WDFY4: variants seen among roughly 807,000 people sequenced by gnomAD.
WDFY4 encodes the protein WDFY family member 4, also known as WD repeat- and FYVE domain-containing protein 4.
WDFY4 carries 169 observed loss-of-function variants against 351.9 expected under a neutral mutation model. The ratio of observed to expected loss-of-function variants is 0.48; its 90% CI spans 0.42 to 0.55. WDFY4 has a LOEUF of 0.55. Among genes scored for constraint, WDFY4 ranks in the 20% least tolerant of loss-of-function variants. The probability of loss-of-function intolerance (pLI) is 0.00; values close to 1 mark genes in which losing one functional copy is unlikely to be tolerated. For synonymous variants in WDFY4, 1,622 were observed against 1,574.6 expected (o/e 1.03, Z -0.71); for missense variants, 3,803 against 3,935.6 (o/e 0.97, Z 0.90).
intron 47 of WDFY4, among the ~76,000 whole-genome samples, chr10:48,925,027 C>CTAGCTTTGT (rs1839452113): frequency 6.6e-6 from 1 of 152,216 alleles, no homozygotes; most frequent in African/African-American, 2.4e-5. Flanking sequence ...ATTTCACAGC[C>CTAGCTTTGT]AGTATTTGGG....
chr10:48,800,738 T>C lies in WDFY4; in HGVS notation c.4411-2548T>C, dbSNP rs1227002301. Among the ~76,000 whole-genome samples, 14 of 135,478 alleles carry C rather than the reference T, an allele frequency of 1.0e-4. No homozygotes were observed. In the East Asian group the frequency reaches 2.3e-3, roughly 22 times the overall value. 88.9% of individuals were successfully genotyped at this position (135,478 alleles called of 152,430 possible). ...TCTTTCTTTCATTCTTTCTTTTTTT[T>C]TTTTTTTGTTTTGAGATGAGGTCTC... On this transcript the variant is annotated intron_variant, in intron 24 of 61. Transcript: ENST00000325239.
In WDFY4 at chr10:48,943,379, C is replaced by G; in HGVS notation, c.7679C>G (p.Ala2560Gly). 6.4e-7 allele frequency: 1 copy of G among 1,551,836 alleles called. No homozygotes were observed. The highest frequency in any genetic ancestry group is 8.7e-7 in the Non-Finnish European group (1 of 1,147,014). The change falls in exon 49 of 62, where the codon GCT (alanine) becomes GGT (glycine). Residue 2560 changes from alanine to glycine, a missense_variant. Ala to Gly is a moderately conservative substitution (Grantham distance 60). This residue lies in a region of WDFY4 where 3,054 missense variants were observed against 3,148.6 expected (regional missense o/e 0.97). Transcript: ENST00000325239. ...TATCTCATGTACCTCAACACCGCGGCTGGGAGAACCTGCAATGACTACATG... is the reference window on the plus strand; with the variant it reads ...TATCTCATGTACCTCAACACCGCGGGTGGGAGAACCTGCAATGACTACATG... ...FEYLMYLNTA[A>G]GRTCNDYMQY...
chr10:48,685,955 G>A (rs1411006079), intron 1 of WDFY4, among the ~76,000 whole-genome samples: 1 of 152,066 alleles, frequency 6.6e-6, no homozygotes, highest in Non-Finnish European at 1.5e-5. Context: ...TCTGAGAGGG[G>A]ACCTGTGAGG....
chr10:48,949,874 A>G (rs769098099), intron 51 of WDFY4, among the ~76,000 whole-genome samples: 1 of 152,164 alleles, frequency 6.6e-6, no homozygotes, highest in Non-Finnish European at 1.5e-5. Context: ...CTTAGGGTTC[A>G]GTCTCCTTGG....
chr10:48,903,237 G>A (rs1446839978), intron 47 of WDFY4, among the ~76,000 whole-genome samples: 2 of 152,134 alleles, frequency 1.3e-5, no homozygotes, highest in African/African-American at 4.8e-5. Flanking sequence ...TGGAGGTGAG[G>A]GAGGTCACAG....
In WDFY4 at chr10:48,957,269, C is replaced by G; in HGVS notation, c.8118C>G (p.Asn2706Lys). The G allele has an allele frequency of 1.3e-6, 2 of 1,551,310 alleles. No homozygotes were observed. The highest frequency in any genetic ancestry group is 1.7e-6 in the Non-Finnish European group (2 of 1,146,696). ...TGCCTGAGTTCTTAACCAACTGCAA[C>G]GGGGTAGAGTTCGGTAAGTGGAGGC... ...FYLPEFLTNC[N>K]GVEFGCMQDG... Residue 2706 changes from asparagine (N) to lysine (K), a missense_variant, in exon 52 of 62, where the codon AAC (asparagine) becomes AAG (lysine). Coordinates refer to ENST00000325239, the MANE Select transcript of WDFY4 (RefSeq NM_001394531.1).
chr10:48,876,783 G>A (rs1365768693), intron 42 of WDFY4, among the ~76,000 whole-genome samples: 1 of 152,230 alleles, frequency 6.6e-6, no homozygotes, highest in African/African-American at 2.4e-5. Flanking sequence ...TGGCTGAACA[G>A]CTAGGCCTGG....
At chr10:48,787,945 CTTCTT>C (rs1565199129) in intron 20 of WDFY4, among the ~76,000 whole-genome samples, 1,162 of 104,070 alleles carry the variant, frequency 0.011, 27 homozygotes, top group Admixed American at 0.027. Context: ...TCTTCTTCTT[CTTCTT>C]CTTCTTCTTC....
intron 1 of WDFY4, among the ~76,000 whole-genome samples, chr10:48,698,038 A>G (rs777296074): frequency 7.2e-5 from 11 of 152,072 alleles, no homozygotes; most frequent in Non-Finnish European, 1.2e-4. Flanking sequence ...AGCTCTTGAG[A>G]TGGCCTCCGA....
chr10:48,976,392 A>T (rs1842569551), intron 58 of WDFY4, among the ~76,000 whole-genome samples: 1 of 152,218 alleles, frequency 6.6e-6, no homozygotes, highest in East Asian at 1.9e-4. Flanking sequence ...GTACCCTGCC[A>T]TCCACCAGGT....
chr10:48,807,737 G>T (rs1425503925), intron 27 of WDFY4, 122 bp from the exon 28 acceptor site: 2 of 1,094,530 alleles, frequency 1.8e-6, no homozygotes, highest in African/African-American at 3.2e-5. Flanking sequence ...CCAAAATTTT[G>T]AGTCCCAGCC....
intron 44 of WDFY4, among the ~76,000 whole-genome samples, chr10:48,894,548 G>A (rs1222658168): frequency 1.3e-5 from 2 of 152,208 alleles, no homozygotes; most frequent in African/African-American, 4.8e-5. Context: ...GTTTCCTTAT[G>A]AGGATCCAAT....
chr10:48,941,192 C>T (rs1477505911), intron 47 of WDFY4, among the ~76,000 whole-genome samples: 3 of 152,092 alleles, frequency 2.0e-5, no homozygotes, highest in Admixed American at 6.5e-5. Flanking sequence ...CAGTGTGAGC[C>T]GGTCTCCAGG....
rs192203195 is a variant in WDFY4, at chr10:48,813,178, T to G, written c.5215-779T>G. Reference sequence around the variant, plus strand: ...GGTCTCAATCGAGTTGAGTTAAACCTAACTGAATTGAAATATGGGAGGGGC... The same window carrying G: ...GGTCTCAATCGAGTTGAGTTAAACCGAACTGAATTGAAATATGGGAGGGGC... On this transcript the variant is annotated intron_variant, in intron 30 of 61. Coordinates refer to ENST00000325239, the MANE Select transcript of WDFY4 (RefSeq NM_001394531.1). 2.8e-3 allele frequency among the ~76,000 whole-genome samples: 426 copies of G among 152,324 alleles called. 2 individuals are homozygous for G. Among genetic ancestry groups the G allele is most frequent in the African/African-American group, 9.5e-3 (397 of 41,576 alleles).
At chr10:48,900,613 T>A (rs867602282) in intron 46 of WDFY4, among the ~76,000 whole-genome samples, 1 of 152,272 alleles carries the variant, frequency 6.6e-6, no homozygotes, top group African/African-American at 2.4e-5. Context: ...AACTGGCTGT[T>A]TAATGGGCCT....
chr10:48,864,488 A>G (rs548030986), intron 39 of WDFY4, among the ~76,000 whole-genome samples: 1 of 152,288 alleles, frequency 6.6e-6, no homozygotes, highest in South Asian at 2.1e-4. Flanking sequence ...CCATTGCTTT[A>G]CAGTAAGTTT....
chr10:48,899,790 G>C (rs994372191), intron 45 of WDFY4, among the ~76,000 whole-genome samples: 1 of 152,204 alleles, frequency 6.6e-6, no homozygotes, highest in African/African-American at 2.4e-5. Context: ...AGGGGACCCT[G>C]TGCTGCTTAA....
intron 40 of WDFY4, 146 bp from the exon 41 acceptor site, chr10:48,873,345 C>A: frequency 1.1e-6 from 1 of 878,560 alleles, no homozygotes; most frequent in Non-Finnish European, 1.7e-6. Context: ...CAGTGGGTAC[C>A]CTACACATTC....
chr10:48,827,584 TGTGA>T (rs948084666), intron 36 of WDFY4, among the ~76,000 whole-genome samples: 1 of 150,192 alleles, frequency 6.7e-6, no homozygotes, highest in Non-Finnish European at 1.5e-5. Flanking sequence ...TCCTGCTGGC[TGTGA>T]GTATGATGTC....
Sources: allele counts gnomAD v4.1 joint callset (sites outside exome capture counted in the v4.1 genomes callset), GRCh38; gene constraint gnomAD v4.1.1; regional missense constraint gnomAD v4.1.1; transcripts MANE v1.5; gene names NCBI Gene and HGNC (gene_info 2026-07-23, HGNC 2026-07-21).